Variants in SNX13 observed in about 807,000 individuals in gnomAD.
SNX13 encodes the protein sorting nexin 13, also known as sorting nexin-13.
A neutral mutation model predicts 133.6 loss-of-function variants in SNX13; 45 were observed. The ratio of observed to expected loss-of-function variants is 0.34; its 90% CI spans 0.27 to 0.43. The LOEUF (loss-of-function observed/expected upper bound fraction) is 0.43, where lower values mean the gene tolerates loss of function less well. Among genes scored for constraint, SNX13 ranks in the 20% least tolerant of loss-of-function variants. The pLI, the probability that SNX13 is intolerant of heterozygous loss-of-function variation, is 1.00. For missense variants in SNX13, 1,032 were observed against 1,145.1 expected, an observed-to-expected ratio of 0.90 and a Z score of 1.43; for synonymous variants, 414 against 373.9, an observed-to-expected ratio of 1.11 and a Z score of -1.24.
chr7:17,853,967 AG>A (rs1791565785), intron 9 of SNX13, among the ~76,000 whole-genome samples: 1 of 152,190 alleles, frequency 6.6e-6, no homozygotes, highest in East Asian at 1.9e-4. Context: ...AGAAAAAAAA[AG>A]AAAAAAGAAA....
At chr7:17,860,293 T>C (rs1253184561) in intron 9 of SNX13, among the ~76,000 whole-genome samples, 1 of 152,246 alleles carries the variant, frequency 6.6e-6, no homozygotes, top group Non-Finnish European at 1.5e-5. Context: ...GTATAACTTC[T>C]GTGGAGATAC....
chr7:17,916,110 G>A (rs927322844), intron 1 of SNX13, among the ~76,000 whole-genome samples: 2 of 152,060 alleles, frequency 1.3e-5, no homozygotes, highest in African/African-American at 2.4e-5. Context: ...GTTAAAAAAT[G>A]AAAACAGGCC....
chr7:17,896,645 A>G (rs1327993023), intron 2 of SNX13, among the ~76,000 whole-genome samples: 3 of 152,170 alleles, frequency 2.0e-5, no homozygotes, highest in African/African-American at 4.8e-5. Context: ...ATACAAACAC[A>G]TTAACAACAA....
chr7:17,808,957 CACT>C (rs1785649500), intron 20 of SNX13, among the ~76,000 whole-genome samples: 1 of 152,198 alleles, frequency 6.6e-6, no homozygotes, highest in South Asian at 2.1e-4. Context: ...CTGAAGGAAG[CACT>C]AAACATGGAA....
At chr7:17,933,813 A>C (rs1257037851) in intron 1 of SNX13, among the ~76,000 whole-genome samples, 4 of 149,822 alleles carry the variant, frequency 2.7e-5, no homozygotes, top group Admixed American at 6.7e-5. Context: ...AAAAAAAAAA[A>C]CCCGATGTAC....
At chr7:17,830,150 T>G (rs1583397300) in intron 15 of SNX13, 103 bp from the exon 16 acceptor site, 1 of 673,962 alleles carries the variant, frequency 1.5e-6, no homozygotes, top group Non-Finnish European at 1.8e-6. Flanking sequence ...AGCCAAGATA[T>G]AACATAATAG....
intron 9 of SNX13, among the ~76,000 whole-genome samples, chr7:17,855,347 G>C (rs1791755435): frequency 6.6e-6 from 1 of 152,166 alleles, no homozygotes; most frequent in South Asian, 2.1e-4. Context: ...CACTGATAAT[G>C]ATGGCTACAC....
Position 17,794,189 on chromosome 7 carries a change from G to A in SNX13, c.2730C>T (p.Val910=). 6.2e-7 allele frequency: 1 copy of A among 1,611,632 alleles called. No individual in the cohort carries two copies. Among genetic ancestry groups the A allele is most frequent in the Non-Finnish European group, 8.5e-7 (1 of 1,178,488 alleles). ...AGGTTTCTAAAAAGCCTTCCAAGAA[G>A]ACATAAACCATTCTCCTATTTAATT... ...HNQLNRRMVY[V]FLEGFLETLF... is the part of the protein sequence containing the mutation. The change falls in exon 26 of 26, where the codon GTC becomes GTT. Residue 910 remains valine, a synonymous_variant. Transcript: ENST00000428135.
intron 1 of SNX13, among the ~76,000 whole-genome samples, chr7:17,936,042 T>C (rs1426273454): frequency 1.3e-5 from 2 of 152,342 alleles, no homozygotes; most frequent in East Asian, 1.9e-4. Context: ...TCAGGGAGCC[T>C]TTCTTGATAC....
rs1324096350 is a variant in SNX13 at position 17,845,583 on chromosome 7, T to C, written c.1165+12A>G. The C allele has an allele frequency of 2.6e-6, 4 of 1,513,428 alleles. No individual in the cohort carries two copies. In the African/African-American group the frequency reaches 5.6e-5, roughly 21 times the overall value. The allele number at this position is 1,513,428 out of a possible 1,614,324, so 93.7% of individuals were successfully genotyped here. A position where few individuals can be genotyped will look rare whatever the true frequency, so the allele number is the denominator to read the frequency against. On this transcript the variant is annotated intron_variant, in intron 12 of 25. Coordinates refer to ENST00000428135, the MANE Select transcript of SNX13 (RefSeq NM_015132.5). ...AATGGCTGTATCATTTAAATAGAAT[T>C]GATCTACCTACCCATAAAAAATTGT...
At chr7:17,834,292 T>C (rs548023575) in intron 14 of SNX13, 108 bp from the exon 15 acceptor site, 5 of 949,526 alleles carry the variant, frequency 5.3e-6, no homozygotes, top group South Asian at 2.7e-5. Flanking sequence ...TAATGTATCA[T>C]AGTTACAAGC....
intron 20 of SNX13, among the ~76,000 whole-genome samples, chr7:17,814,489 A>G (rs1384250796): frequency 2.0e-5 from 3 of 152,090 alleles, no homozygotes; most frequent in African/African-American, 7.2e-5. Flanking sequence ...ATCCTGCTTA[A>G]TATTTTTATC....
At chr7:17,836,142 T>C (rs188470928) in intron 13 of SNX13, among the ~76,000 whole-genome samples, 1 of 152,104 alleles carries the variant, frequency 6.6e-6, no homozygotes, top group East Asian at 1.9e-4. Flanking sequence ...ATCTTTGGTA[T>C]AGGATGACCA....
At chr7:17,844,218 G>C (rs544422166) in intron 12 of SNX13, among the ~76,000 whole-genome samples, 3 of 151,844 alleles carry the variant, frequency 2.0e-5, no homozygotes, top group Non-Finnish European at 4.4e-5. Context: ...TACTAAAATC[G>C]GAAGTGAAAG....
At chr7:17,891,100 T>C (rs1270339113) in intron 4 of SNX13, among the ~76,000 whole-genome samples, 1 of 151,982 alleles carries the variant, frequency 6.6e-6, no homozygotes, top group African/African-American at 2.4e-5. Context: ...TTTATAATCA[T>C]ATAATCAAAC....
intron 1 of SNX13, among the ~76,000 whole-genome samples, chr7:17,910,343 T>C (rs188813603): frequency 6.6e-6 from 1 of 152,008 alleles, no homozygotes; most frequent in East Asian, 1.9e-4. Flanking sequence ...GGTTGAAAAA[T>C]CTGTTGCAAA....
chr7:17,910,233 C>A (rs1256271561), intron 1 of SNX13, among the ~76,000 whole-genome samples: 5 of 151,874 alleles, frequency 3.3e-5, no homozygotes, highest in African/African-American at 1.2e-4. Context: ...GTTTTAGGAA[C>A]ATAAATATAA....
At chr7:17,818,654 T>G (rs1390736302) in intron 18 of SNX13, among the ~76,000 whole-genome samples, 1 of 152,002 alleles carries the variant, frequency 6.6e-6, no homozygotes, top group East Asian at 1.9e-4. Context: ...AATTCAAAAT[T>G]CAGCAAAAAA....
rs1796851863 is a variant in SNX13 at position 17,893,427 on chromosome 7, C to G, written c.133G>C (p.Val45Leu). 6.5e-7 allele frequency: 1 copy of G among 1,546,222 alleles called. No homozygotes were observed. The highest frequency in any genetic ancestry group is 1.2e-5 in the South Asian group (1 of 81,602). The part of the protein sequence containing the change: ...YILCFVGGGL[V>L]VTLLFGKTNS... ...GTTTTTCCAAACAGGAGAGTAACCA[C>G]TAAACCCCTAGAAAGAAAAATTTAA... The change falls in exon 3 of 26, where the codon GTG (valine) becomes CTG (leucine). Residue 45 changes from valine to leucine, a missense_variant. By Grantham distance (32) the Val-to-Leu change is conservative. Transcript: ENST00000428135.
Sources: allele counts gnomAD v4.1 joint callset (sites outside exome capture counted in the v4.1 genomes callset), GRCh38; gene constraint gnomAD v4.1.1; transcripts MANE v1.5; gene names NCBI Gene and HGNC (gene_info 2026-07-23, HGNC 2026-07-21).